TEX10: variants seen among roughly 807,000 people sequenced by gnomAD.
The protein encoded by TEX10 is testis expressed 10.
Under a neutral mutation model 104.4 loss-of-function variants are expected in TEX10, and 24 were observed. The observed-to-expected ratio is 0.23, with a 90% CI of 0.17 to 0.32. The LOEUF (loss-of-function observed/expected upper bound fraction) is 0.32. Ranked by LOEUF, TEX10 falls within the 10% of genes least tolerant of loss-of-function variation. The pLI is 1.00. For synonymous variants in TEX10, 396 were observed against 393.4 expected (o/e 1.01, Z -0.08); for missense variants, 921 against 1,083.9 (o/e 0.85, Z 2.11).
intron 4 of TEX10, among the ~76,000 whole-genome samples, chr9:100,341,514 T>TGTAA (rs554971183): frequency 0.45 from 68,946 of 151,932 alleles, 17,332 homozygotes; most frequent in East Asian, 0.89. Flanking sequence ...AACACTGGCA[T>TGTAA]CATCCTTGAC....
intron 5 of TEX10, 141 bp from the exon 6 acceptor site, chr9:100,330,310 G>T (rs1301404658): frequency 2.9e-6 from 2 of 686,498 alleles, no homozygotes; most frequent in Non-Finnish European, 5.0e-6. Context: ...AGGTGCATAG[G>T]CAAGACTTAG....
chr9:100,348,178 TG>T (rs1315302150), intron 2 of TEX10, among the ~76,000 whole-genome samples: 12 of 152,244 alleles, frequency 7.9e-5, no homozygotes, highest in African/African-American at 2.9e-4. Context: ...CAAAAGGCCA[TG>T]TATTATATGA....
At chr9:100,320,159 G>A in intron 11 of TEX10, 106 bp downstream of exon 11, 2 of 1,058,892 alleles carry the variant, frequency 1.9e-6, no homozygotes, top group Non-Finnish European at 2.6e-6. Context: ...CTTTAAACAA[G>A]TATCTTTGAA....
chr9:100,350,151 C>G (rs958213380), intron 1 of TEX10, among the ~76,000 whole-genome samples: 1 of 152,160 alleles, frequency 6.6e-6, no homozygotes, highest in African/African-American at 2.4e-5. Context: ...TACTTCCTCC[C>G]CCTCTATACC....
intron 1 of TEX10, among the ~76,000 whole-genome samples, chr9:100,350,009 A>G (rs1263976812): frequency 6.6e-6 from 1 of 152,216 alleles, no homozygotes; most frequent in African/African-American, 2.4e-5. Context: ...AGAAAACAGT[A>G]TTCCCCCTTG....
intron 11 of TEX10, among the ~76,000 whole-genome samples, chr9:100,312,607 G>GT (rs1183186582): frequency 6.6e-6 from 1 of 152,228 alleles, no homozygotes; most frequent in South Asian, 2.1e-4. Flanking sequence ...ATTCTCCACT[G>GT]TTTTTTGCAG....
intron 9 of TEX10, among the ~76,000 whole-genome samples, chr9:100,326,074 T>A (rs935306080): frequency 6.6e-6 from 1 of 152,202 alleles, no homozygotes; most frequent in Non-Finnish European, 1.5e-5. Context: ...TTTTGATAAT[T>A]CTATTTCAAC....
Position 100,330,140 on chromosome 9 carries a change from T to C in TEX10, c.1280A>G (p.Asn427Ser). 6.2e-7 allele frequency: 1 copy of C among 1,613,444 alleles called. No individual in the cohort carries two copies. The highest frequency in any genetic ancestry group is 8.5e-7 in the Non-Finnish European group (1 of 1,179,682). The change falls in exon 6 of 15, where the codon AAC (asparagine) becomes AGC (serine). Residue 427 changes from asparagine to serine, a missense_variant. Coordinates refer to ENST00000374902, the MANE Select transcript of TEX10 (RefSeq NM_017746.4). ...SIKHCTVLSN[N>S]IDHLLLNLTL... ...TAAATTCAGTAAGAGATGATCTATGTTATTGGAGAGAACTGTGCAATGCTT... is the reference window on the plus strand; with the variant it reads ...TAAATTCAGTAAGAGATGATCTATGCTATTGGAGAGAACTGTGCAATGCTT...
Position 100,329,946 on chromosome 9 carries a change from T to C in TEX10, c.1474A>G (p.Ile492Val). The change falls in exon 6 of 15, where the codon ATA (isoleucine) becomes GTA (valine). Residue 492 changes from isoleucine to valine, a missense_variant. By Grantham distance (29) the Ile-to-Val change is conservative. Around this residue, in one of 3 missense-constraint regions of TEX10, gnomAD observed 753 missense variants for 868.4 expected, o/e 0.87. Coordinates refer to ENST00000374902, the MANE Select transcript of TEX10 (RefSeq NM_017746.4). Reference sequence around the variant, plus strand: ...CATCACCTACCTCTGTTTGGCTGTATTTGCATTAACCTCCAGGATACTCCC... The same window carrying C: ...CATCACCTACCTCTGTTTGGCTGTACTTGCATTAACCTCCAGGATACTCCC... ...LLGVSWRLMQ[I>V]QPNREDTETL... 1 of 1,611,428 alleles carries C rather than the reference T, an allele frequency of 6.2e-7. No homozygotes were observed. Among genetic ancestry groups the C allele is most frequent in the Non-Finnish European group, 8.5e-7 (1 of 1,178,240 alleles).
chr9:100,335,206 A>AC (rs896949431), intron 5 of TEX10, among the ~76,000 whole-genome samples: 1 of 151,814 alleles, frequency 6.6e-6, no homozygotes, highest in Non-Finnish European at 1.5e-5. Context: ...AAGGGTCAAG[A>AC]CTTTTTTTTT....
chr9:100,329,685 A>T (rs1034030934), intron 6 of TEX10, among the ~76,000 whole-genome samples: 1 of 152,218 alleles, frequency 6.6e-6, no homozygotes, highest in Admixed American at 6.5e-5. Context: ...CTCAAGTTCT[A>T]GCCAAACTAG....
In TEX10 at chr9:100,320,245, C is replaced by T. The variant is rs1487959315; in HGVS notation, c.2202+20G>A. ...ACTGAATTTTAATAATTATTAGTTT[C>T]TTTTTAAATGAACTATTACCTCTGT... On this transcript the variant is annotated intron_variant, in intron 11 of 14. Coordinates refer to ENST00000374902, the MANE Select transcript of TEX10 (RefSeq NM_017746.4). The T allele has an allele frequency of 4.4e-6, 7 of 1,574,584 alleles. No homozygotes were observed. The highest frequency in any genetic ancestry group is 6.0e-6 in the Non-Finnish European group (7 of 1,160,784).
intron 11 of TEX10, among the ~76,000 whole-genome samples, chr9:100,315,686 T>G (rs997989481): frequency 6.6e-6 from 1 of 152,232 alleles, no homozygotes; most frequent in Non-Finnish European, 1.5e-5. Flanking sequence ...GCTTTCAGGG[T>G]TTTTTTGTTT....
intron 2 of TEX10, among the ~76,000 whole-genome samples, chr9:100,348,120 C>G (rs929747472): frequency 2.0e-5 from 3 of 152,208 alleles, no homozygotes; most frequent in Non-Finnish European, 2.9e-5. Context: ...AAGCTACATA[C>G]AACCTGGAGG....
intron 13 of TEX10, chr9:100,305,995 A>G (rs540210714): frequency 6.6e-6 from 1 of 152,216 alleles, no homozygotes; most frequent in South Asian, 2.1e-4. Flanking sequence ...ACACCGCAGG[A>G]AAAAGGAGCT....
At chr9:100,348,560 TA>T (rs767575426) in intron 2 of TEX10, among the ~76,000 whole-genome samples, 1 of 152,178 alleles carries the variant, frequency 6.6e-6, no homozygotes, top group South Asian at 2.1e-4. Context: ...CTTAATTCGC[TA>T]AAAAACAGCT....
intron 5 of TEX10, among the ~76,000 whole-genome samples, chr9:100,331,958 T>C (rs1047705451): frequency 6.6e-6 from 1 of 152,256 alleles, no homozygotes; most frequent in East Asian, 1.9e-4. Context: ...GGAGGAGTAA[T>C]CATTAAGGGT....
intron 11 of TEX10, among the ~76,000 whole-genome samples, chr9:100,318,569 C>T (rs1211164813): frequency 5.9e-5 from 9 of 152,092 alleles, no homozygotes; most frequent in Admixed American, 5.9e-4. Flanking sequence ...TATAGTCTTA[C>T]GCATGTAACA....
In TEX10 at chr9:100,302,308, G is replaced by C; in HGVS notation, c.2677-4C>G. 6.2e-7 allele frequency: 1 copy of C among 1,601,982 alleles called. No individual in the cohort carries two copies. Among genetic ancestry groups the C allele is most frequent in the Non-Finnish European group, 8.5e-7 (1 of 1,170,702 alleles). On this transcript the variant is annotated splice_region_variant and splice_polypyrimidine_tract_variant and intron_variant, in intron 14 of 14. Transcript: ENST00000374902. ...GAACACTTCCACTCTTCAATGTCTGGAGAGAAAAACAAGAGTAATCTGAGA... is the reference window on the plus strand; with the variant it reads ...GAACACTTCCACTCTTCAATGTCTGCAGAGAAAAACAAGAGTAATCTGAGA...
Sources: gnomAD v4.1 joint callset for allele counts (sites outside exome capture counted in the v4.1 genomes callset) on GRCh38, gnomAD v4.1.1 for gene constraint, gnomAD v4.1.1 regional missense constraint, MANE v1.5 for transcripts, NCBI Gene and HGNC (gene_info 2026-07-23, HGNC 2026-07-21) for gene names.